The following OPCML variants were observed in gnomAD, a reference collection of about 807,000 sequenced individuals.
The protein encoded by OPCML is opioid-binding protein/cell adhesion molecule.
Under a neutral mutation model 37.8 loss-of-function variants are expected in OPCML, and 13 were observed. The observed-to-expected ratio is 0.34, with a 90% CI of 0.22 to 0.55. The LOEUF is 0.55. OPCML is among the 20% of genes least tolerant of loss of function. The pLI is 0.91. For missense variants in OPCML, 341 were observed against 435.6 expected, an observed-to-expected ratio of 0.78 and a Z score of 1.93; for synonymous variants, 176 against 168.8, an observed-to-expected ratio of 1.04 and a Z score of -0.33.
In OPCML at chr11:132,943,261, T is replaced by A; in HGVS notation, c.62-251A>T. 1 of 977,758 alleles carries A rather than the reference T, an allele frequency of 1.0e-6. No homozygotes were observed. 60.6% of individuals were successfully genotyped at this position (977,758 alleles called of 1,614,324 possible). A position where few individuals can be genotyped will look rare whatever the true frequency, so the allele number is the denominator to read the frequency against. On this transcript the variant is annotated intron_variant, in intron 1 of 7. Transcript: ENST00000524381. This position sits in a 1 kb window ranked among gnomAD's most constrained non-coding sequence, Gnocchi z 4.3. ...TCCGGGCTCTCCGGAGTCTGAGAAT[T>A]CTTCCTCAGATCCTGCCTCAGCTTT... is the stretch of plus-strand genomic sequence containing the variant.
chr11:133,045,390 C>A (rs530655968), intron 1 of OPCML, among the ~76,000 whole-genome samples: 1 of 152,282 alleles, frequency 6.6e-6, no homozygotes, highest in African/African-American at 2.4e-5. Flanking sequence ...ACAAGGGACC[C>A]ACGCACCCCG....
Position 133,211,167 on chromosome 11 carries a change from T to G in OPCML, c.62-268157A>C, listed in dbSNP as rs1022041184. On this transcript the variant is annotated intron_variant, in intron 1 of 7. Transcript: ENST00000524381. The surrounding 1 kb of genome is among the most constrained non-coding windows in gnomAD (Gnocchi z 4.1). Reference sequence around the variant, plus strand: ...CCTGCCAGAAGGAATCAAATATTTCTGCAAATTCTGATGATTTAATGTACT... The same window carrying G: ...CCTGCCAGAAGGAATCAAATATTTCGGCAAATTCTGATGATTTAATGTACT... Among the ~76,000 whole-genome samples, 2 of 152,192 alleles carry G rather than the reference T, an allele frequency of 1.3e-5. No homozygotes were observed. Among genetic ancestry groups the G allele is most frequent in the African/African-American group, 4.8e-5 (2 of 41,442 alleles).
chr11:132,440,139 G>A (rs1269805470), intron 4 of OPCML, among the ~76,000 whole-genome samples: 1 of 152,146 alleles, frequency 6.6e-6, no homozygotes, highest in Admixed American at 6.5e-5. Flanking sequence ...TGTGGGATTT[G>A]TTTTCACTGT....
chr11:132,594,704 G>T (rs902197714), intron 3 of OPCML, among the ~76,000 whole-genome samples: 1 of 152,110 alleles, frequency 6.6e-6, no homozygotes, highest in African/African-American at 2.4e-5. Flanking sequence ...TTGGCCAAGG[G>T]TGAATATCCG....
chr11:133,439,703 G>A (rs978244124), intron 1 of OPCML, among the ~76,000 whole-genome samples: 14 of 151,988 alleles, frequency 9.2e-5, no homozygotes, highest in Admixed American at 1.3e-4. Flanking sequence ...TCCTGACTTC[G>A]TGATCCACCC....
At chr11:132,906,472 G>A (rs1944244777) in intron 2 of OPCML, among the ~76,000 whole-genome samples, 1 of 152,174 alleles carries the variant, frequency 6.6e-6, no homozygotes, top group South Asian at 2.1e-4. Flanking sequence ...TGTGCTGGGG[G>A]AGTCAAGTCT....
intron 3 of OPCML, among the ~76,000 whole-genome samples, chr11:132,578,029 A>T (rs1372023861): frequency 1.3e-5 from 2 of 152,174 alleles, no homozygotes; most frequent in African/African-American, 4.8e-5. Context: ...ACATAGAAAA[A>T]AAAAGAATAT....
At chr11:132,745,831 A>G (rs1224629398) in intron 2 of OPCML, among the ~76,000 whole-genome samples, 2 of 152,164 alleles carry the variant, frequency 1.3e-5, no homozygotes, top group Admixed American at 1.3e-4. Flanking sequence ...CATGACTGGG[A>G]TAGAGTGGCA....
intron 3 of OPCML, among the ~76,000 whole-genome samples, chr11:132,587,378 C>T (rs372363901): frequency 1.2e-3 from 178 of 152,314 alleles, no homozygotes; most frequent in African/African-American, 4.2e-3. Context: ...TCTTCAGACA[C>T]ATCAAATCAT....
intron 1 of OPCML, among the ~76,000 whole-genome samples, chr11:133,021,018 G>A (rs952072144): frequency 2.0e-5 from 3 of 152,078 alleles, no homozygotes; most frequent in African/African-American, 7.2e-5. Flanking sequence ...ATGCACCCTG[G>A]CTCATTCATT....
chr11:132,499,311 G>A (rs1232464073), intron 4 of OPCML, among the ~76,000 whole-genome samples: 2 of 152,208 alleles, frequency 1.3e-5, no homozygotes, highest in East Asian at 1.9e-4. Flanking sequence ...GCCAAGAGCA[G>A]CAGAGCTGGG....
intron 3 of OPCML, among the ~76,000 whole-genome samples, chr11:132,580,240 T>A (rs2096459560): frequency 6.6e-6 from 1 of 152,146 alleles, no homozygotes; most frequent in African/African-American, 2.4e-5. Flanking sequence ...AACTTAATTA[T>A]CCAATAATAG....
chr11:132,641,718 G>C (rs768175422), intron 3 of OPCML, among the ~76,000 whole-genome samples: 1 of 152,152 alleles, frequency 6.6e-6, no homozygotes, highest in Non-Finnish European at 1.5e-5. Context: ...GGGACATTTT[G>C]CCTCTATGTG....
intron 1 of OPCML, among the ~76,000 whole-genome samples, chr11:133,155,493 C>G (rs924060106): frequency 2.7e-4 from 41 of 152,046 alleles, no homozygotes; most frequent in Non-Finnish European, 3.4e-4. Flanking sequence ...GTTTCTCCAC[C>G]TTTTTGGCCA....
intron 2 of OPCML, among the ~76,000 whole-genome samples, chr11:132,916,546 C>A (rs1216468993): frequency 6.6e-5 from 10 of 152,084 alleles, no homozygotes; most frequent in Non-Finnish European, 1.3e-4. Flanking sequence ...GACAGTAAAC[C>A]TGGAAAGAAA....
chr11:133,179,006 T>A (rs1276307587), intron 1 of OPCML, among the ~76,000 whole-genome samples: 2 of 152,168 alleles, frequency 1.3e-5, no homozygotes, highest in African/African-American at 4.8e-5. Context: ...CTTTTCTCCA[T>A]GACTGGCTAT....
At chr11:132,919,544 G>A (rs1944718528) in intron 2 of OPCML, among the ~76,000 whole-genome samples, 1 of 152,150 alleles carries the variant, frequency 6.6e-6, no homozygotes, top group Admixed American at 6.5e-5. Flanking sequence ...AGCAGTGTTG[G>A]GTGCCAGGGC....
rs139938578 is a variant in OPCML, at chr11:133,150,271, C to T, written c.62-207261G>A. Among the ~76,000 whole-genome samples, 562 of 152,284 alleles carry T rather than the reference C, an allele frequency of 3.7e-3. 1 individual carries two copies. Among genetic ancestry groups the T allele is most frequent in the Non-Finnish European group, 5.6e-3 (384 of 68,038 alleles). Reference sequence around the variant, plus strand: ...AGCCCTTACTCCATGTCAGGGACTGCGCTAAACCCTTTGCATGGATGGTCT... The same window carrying T: ...AGCCCTTACTCCATGTCAGGGACTGTGCTAAACCCTTTGCATGGATGGTCT... On this transcript the variant is annotated intron_variant, in intron 1 of 7. Transcript: ENST00000524381.
chr11:133,467,146 C>T (rs1196749668), intron 1 of OPCML, among the ~76,000 whole-genome samples: 1 of 152,162 alleles, frequency 6.6e-6, no homozygotes, highest in Non-Finnish European at 1.5e-5. Context: ...ATTCCCAGTG[C>T]CCCCCTAAGA....
Sources: gnomAD v4.1 joint callset for allele counts (sites outside exome capture counted in the v4.1 genomes callset) on GRCh38, gnomAD v4.1.1 for gene constraint, Gnocchi (gnomAD v3.1) non-coding constraint, MANE v1.5 for transcripts, NCBI Gene and HGNC (gene_info 2026-07-23, HGNC 2026-07-21) for gene names.